Variants in OPCML observed in about 807,000 individuals in gnomAD.
OPCML encodes the protein opioid-binding protein/cell adhesion molecule.
OPCML carries 13 observed loss-of-function variants against 37.8 expected under a neutral mutation model. The observed-to-expected ratio is 0.34, with a 90% CI of 0.22 to 0.55. The LOEUF (loss-of-function observed/expected upper bound fraction) is 0.55. Ranked by LOEUF, OPCML falls within the 20% of genes least tolerant of loss-of-function variation. The pLI, the probability that OPCML is intolerant of heterozygous loss-of-function variation, is 0.91. For synonymous variants in OPCML, 176 were observed against 168.8 expected, an observed-to-expected ratio of 1.04 and a Z score of -0.33; for missense variants, 341 against 435.6, an observed-to-expected ratio of 0.78 and a Z score of 1.93.
intron 1 of OPCML, among the ~76,000 whole-genome samples, chr11:133,447,491 A>G (rs1363883050): frequency 1.3e-5 from 2 of 152,200 alleles, no homozygotes; most frequent in East Asian, 1.9e-4. Context: ...ACAGTACCCA[A>G]TAGTTCATTT....
At chr11:133,064,066 T>C (rs1282692027) in intron 1 of OPCML, among the ~76,000 whole-genome samples, 1 of 152,214 alleles carries the variant, frequency 6.6e-6, no homozygotes, top group Non-Finnish European at 1.5e-5. Context: ...ACAAAACTGT[T>C]TCCTCAAGCC....
At chr11:133,123,498 G>A (rs981022054) in intron 1 of OPCML, among the ~76,000 whole-genome samples, 4 of 152,170 alleles carry the variant, frequency 2.6e-5, no homozygotes, top group East Asian at 1.9e-4. Context: ...AACAAGGGAT[G>A]TGCCTGAGCC....
intron 4 of OPCML, among the ~76,000 whole-genome samples, chr11:132,476,213 A>C (rs945094387): frequency 1.3e-5 from 2 of 152,232 alleles, no homozygotes; most frequent in African/African-American, 4.8e-5. Flanking sequence ...CCTTTAAAAA[A>C]GTGCTACTTC....
intron 1 of OPCML, among the ~76,000 whole-genome samples, chr11:133,274,925 G>T (rs569809606): frequency 6.6e-6 from 1 of 152,180 alleles, no homozygotes; most frequent in Non-Finnish European, 1.5e-5. Flanking sequence ...CCCGGGTGTC[G>T]TTTATATTAA....
At chr11:133,184,023 G>T (rs1937958718) in intron 1 of OPCML, among the ~76,000 whole-genome samples, 1 of 152,140 alleles carries the variant, frequency 6.6e-6, no homozygotes, top group Admixed American at 6.5e-5. Context: ...GTAGCTATCT[G>T]GCTCAGCAGA....
chr11:132,989,335 CA>C (rs577088783), intron 1 of OPCML, among the ~76,000 whole-genome samples: 136 of 152,182 alleles, frequency 8.9e-4, no homozygotes, highest in African/African-American at 3.1e-3. Context: ...CAGCAACACA[CA>C]AAACTATGGA....
intron 3 of OPCML, among the ~76,000 whole-genome samples, chr11:132,530,764 T>G (rs928361804): frequency 6.6e-6 from 1 of 152,048 alleles, no homozygotes; most frequent in Admixed American, 6.6e-5. Context: ...AAACCTCATC[T>G]CAGGCCCTGT....
rs536545459 is a variant in OPCML at position 132,883,960 on chromosome 11, G to A, written c.146+58966C>T. On this transcript the variant is annotated intron_variant, in intron 2 of 7. Transcript: ENST00000524381. ...ACATAATGTGTTTGGACTTAGACAC[G>A]GTGAGTTTGAGATGATGGTGGAACA... 5.9e-5 allele frequency among the ~76,000 whole-genome samples: 9 copies of A among 152,188 alleles called. No individual in the cohort carries two copies. In the East Asian group the frequency reaches 1.2e-3, roughly 20 times the overall value.
chr11:132,948,430 G>A (rs1352801311), intron 1 of OPCML, among the ~76,000 whole-genome samples: 1 of 152,224 alleles, frequency 6.6e-6, no homozygotes, highest in Non-Finnish European at 1.5e-5. Flanking sequence ...CAGTGGGGGT[G>A]GTTCTAGTGG....
intron 2 of OPCML, among the ~76,000 whole-genome samples, chr11:132,792,868 A>G (rs1368454407): frequency 6.6e-6 from 1 of 152,184 alleles, no homozygotes; most frequent in Non-Finnish European, 1.5e-5. Context: ...CGGGCAGCAC[A>G]GCAGCGCCCG....
At chr11:132,681,928 C>A (rs1243939078) in intron 2 of OPCML, among the ~76,000 whole-genome samples, 2 of 151,650 alleles carry the variant, frequency 1.3e-5, no homozygotes, top group African/African-American at 2.4e-5. Flanking sequence ...GCACCCCAGC[C>A]TGGGCGACAG....
chr11:133,115,365 T>G (rs1165955887), intron 1 of OPCML, among the ~76,000 whole-genome samples: 1 of 152,134 alleles, frequency 6.6e-6, no homozygotes, highest in Non-Finnish European at 1.5e-5. Context: ...TGCAGCCTAT[T>G]ACAGTAATGG....
chr11:133,132,317 G>C (rs1309403248), intron 1 of OPCML, among the ~76,000 whole-genome samples: 1 of 152,148 alleles, frequency 6.6e-6, no homozygotes, highest in Non-Finnish European at 1.5e-5. Flanking sequence ...TGCAAATTAA[G>C]ACTGCAATGA....
At chr11:133,077,956 C>A (rs1948649408) in intron 1 of OPCML, among the ~76,000 whole-genome samples, 1 of 152,132 alleles carries the variant, frequency 6.6e-6, no homozygotes, top group Admixed American at 6.5e-5. Flanking sequence ...GGAGGGGATA[C>A]AGAAAATATG....
At chr11:132,808,359 C>T (rs1179603622) in intron 2 of OPCML, among the ~76,000 whole-genome samples, 1 of 152,202 alleles carries the variant, frequency 6.6e-6, no homozygotes, top group Non-Finnish European at 1.5e-5. Flanking sequence ...AAAGAAATTC[C>T]TGGCAGTGGG....
intron 1 of OPCML, among the ~76,000 whole-genome samples, chr11:133,498,879 C>A (rs772337480): frequency 6.6e-6 from 1 of 152,142 alleles, no homozygotes; most frequent in Non-Finnish European, 1.5e-5. Context: ...TTATGGAACC[C>A]AACAGGCTCT....
chr11:133,486,400 C>T (rs987749943), intron 1 of OPCML, among the ~76,000 whole-genome samples: 57 of 152,282 alleles, frequency 3.7e-4, no homozygotes, highest in African/African-American at 1.3e-3. Flanking sequence ...CTGTCTTCTT[C>T]CCTCATCAAA....
At chr11:133,380,389 A>G (rs989556944) in intron 1 of OPCML, among the ~76,000 whole-genome samples, 4 of 152,212 alleles carry the variant, frequency 2.6e-5, no homozygotes, top group Admixed American at 6.5e-5. Flanking sequence ...AAATTTTCCT[A>G]ACTGATCTTC....
chr11:133,122,102 A>C (rs959966253), intron 1 of OPCML, among the ~76,000 whole-genome samples: 1 of 152,212 alleles, frequency 6.6e-6, no homozygotes, highest in African/African-American at 2.4e-5. Flanking sequence ...ACTTAGGAAT[A>C]GTGTAAAATT....
Sources: gnomAD v4.1 joint callset for allele counts (sites outside exome capture counted in the v4.1 genomes callset) on GRCh38, gnomAD v4.1.1 for gene constraint, MANE v1.5 for transcripts, NCBI Gene and HGNC (gene_info 2026-07-23, HGNC 2026-07-21) for gene names.